The following CDH20 variants were observed in gnomAD, a reference collection of about 807,000 sequenced individuals.
The protein encoded by CDH20 is cadherin 20, also known as cadherin-20.
Under a neutral mutation model 74.2 loss-of-function variants are expected in CDH20, and 29 were observed. The ratio of observed to expected loss-of-function variants is 0.39; its 90% CI spans 0.29 to 0.53. The LOEUF is 0.53. Among genes scored for constraint, CDH20 ranks in the 20% least tolerant of loss-of-function variants. The probability of loss-of-function intolerance (pLI) is 0.69; values close to 1 mark genes in which losing one functional copy is unlikely to be tolerated. For synonymous variants in CDH20, 469 were observed against 405.4 expected, an observed-to-expected ratio of 1.16 and a Z score of -1.88; for missense variants, 988 against 1,048.3, an observed-to-expected ratio of 0.94 and a Z score of 0.79.
intron 1 of CDH20, among the ~76,000 whole-genome samples, chr18:61,368,902 A>G (rs1225640309): frequency 3.4e-5 from 5 of 148,038 alleles, no homozygotes; most frequent in Non-Finnish European, 7.4e-5. Flanking sequence ...GGGGAGTTCT[A>G]TAAATCATGC....
chr18:61,334,352 C>T (rs1339119498), intron 1 of CDH20: 1 of 152,212 alleles, frequency 6.6e-6, no homozygotes, highest in African/African-American at 2.4e-5. Context: ...TGGTCCGTGC[C>T]TCGCGCCGCG....
intron 1 of CDH20, among the ~76,000 whole-genome samples, chr18:61,427,220 A>G (rs1329115510): frequency 6.6e-6 from 1 of 152,148 alleles, no homozygotes; most frequent in African/African-American, 2.4e-5. Flanking sequence ...ATAACATTAC[A>G]TACAATAATT....
chr18:61,504,677 TTAGC>T, intron 5 of CDH20, among the ~76,000 whole-genome samples: 1 of 152,130 alleles, frequency 6.6e-6, no homozygotes, highest in Admixed American at 6.5e-5. Flanking sequence ...GGTGAAACAC[TTAGC>T]TAGGGAAACG....
chr18:61,446,506 G>A (rs1160039653), intron 1 of CDH20, among the ~76,000 whole-genome samples: 2 of 152,024 alleles, frequency 1.3e-5, no homozygotes, highest in African/African-American at 4.8e-5. Context: ...GAATTTCATG[G>A]CTGCCCTTTC....
At chr18:61,517,205 C>A (rs1156372184) in intron 6 of CDH20, among the ~76,000 whole-genome samples, 3 of 152,138 alleles carry the variant, frequency 2.0e-5, no homozygotes, top group Non-Finnish European at 2.9e-5. Context: ...AAGATGTATT[C>A]CATATTACAT....
At chr18:61,412,143 TAA>T (rs1473094572) in intron 1 of CDH20, among the ~76,000 whole-genome samples, 6 of 151,748 alleles carry the variant, frequency 4.0e-5, no homozygotes, top group Non-Finnish European at 5.9e-5. Context: ...AACAAAGAGT[TAA>T]AAGTTTCCAT....
chr18:61,491,496 T>G (rs1450355342), intron 2 of CDH20, among the ~76,000 whole-genome samples: 2 of 152,290 alleles, frequency 1.3e-5, no homozygotes, highest in African/African-American at 2.4e-5. Context: ...TAAACGCTTG[T>G]TTAGCACAGA....
chr18:61,480,825 C>G (rs1319290827), intron 1 of CDH20, among the ~76,000 whole-genome samples: 2 of 152,216 alleles, frequency 1.3e-5, no homozygotes, highest in African/African-American at 2.4e-5. Context: ...TTCTAGTAGA[C>G]TTCTGACACA....
At chr18:61,373,282 T>C (rs774194455) in intron 1 of CDH20, among the ~76,000 whole-genome samples, 7 of 152,210 alleles carry the variant, frequency 4.6e-5, no homozygotes, top group Non-Finnish European at 1.0e-4. Flanking sequence ...CTTTGGGGTT[T>C]TGTTTTGTTG....
intron 1 of CDH20, among the ~76,000 whole-genome samples, chr18:61,435,768 T>G (rs1908811897): frequency 6.6e-6 from 1 of 151,378 alleles, no homozygotes. Flanking sequence ...AAAGCTTTGT[T>G]GAGATAGATT....
At chr18:61,525,964 ATTTTT>A (rs1006282537) in intron 6 of CDH20, among the ~76,000 whole-genome samples, 3 of 84,380 alleles carry the variant, frequency 3.6e-5, no homozygotes, top group African/African-American at 1.1e-4. Flanking sequence ...CACCCAGCTA[ATTTTT>A]TTTTTTTTTT....
chr18:61,457,176 T>C (rs1424192497), intron 1 of CDH20, among the ~76,000 whole-genome samples: 2 of 152,100 alleles, frequency 1.3e-5, no homozygotes, highest in Admixed American at 1.3e-4. Flanking sequence ...TGAAAAGAGG[T>C]AGTAATCTCT....
intron 1 of CDH20, among the ~76,000 whole-genome samples, chr18:61,397,854 A>G (rs1486841140): frequency 2.0e-5 from 3 of 152,226 alleles, no homozygotes; most frequent in Non-Finnish European, 4.4e-5. Context: ...CCTGGCACAT[A>G]GTAAGTACTA....
chr18:61,549,833 C>T (rs1320122731), intron 10 of CDH20, 145 bp from the exon 11 acceptor site: 2 of 838,848 alleles, frequency 2.4e-6, no homozygotes, highest in African/African-American at 1.7e-5. Flanking sequence ...CTGATCCAGG[C>T]AAACCCGCCA....
intron 1 of CDH20, among the ~76,000 whole-genome samples, chr18:61,402,055 T>C (rs1215422594): frequency 6.6e-6 from 1 of 152,238 alleles, no homozygotes; most frequent in Non-Finnish European, 1.5e-5. Context: ...CATGAGGTTC[T>C]AGTCACAGCC....
chr18:61,367,816 G>C (rs1253300465), intron 1 of CDH20, among the ~76,000 whole-genome samples: 2 of 152,130 alleles, frequency 1.3e-5, no homozygotes, highest in Non-Finnish European at 2.9e-5. Flanking sequence ...AGGCAGAGCT[G>C]GTTCTTCCTG....
chr18:61,540,594 GA>G (rs980023577), intron 9 of CDH20, among the ~76,000 whole-genome samples: 17 of 152,176 alleles, frequency 1.1e-4, no homozygotes, highest in African/African-American at 4.1e-4. Context: ...CAGTATGGGG[GA>G]AACTGCCCCC....
At chr18:61,543,467 C>T (rs1231497243) in intron 9 of CDH20, among the ~76,000 whole-genome samples, 1 of 152,192 alleles carries the variant, frequency 6.6e-6, no homozygotes, top group African/African-American at 2.4e-5. Context: ...AGCCTGCCAG[C>T]TCCTGTTCCA....
rs760433588 is a variant in CDH20 at position 61,528,073 on chromosome 18, C to T, written c.1124C>T (p.Thr375Ile). Reference protein sequence around the residue: ...LNLGPFQDTTTVHISVEDVDE... With the variant: ...LNLGPFQDTTIVHISVEDVDE... Reference sequence around the variant, plus strand: ...TTGGGCCCATTTCAGGACACAACAACAGTGCACATCAGTGTGGAAGACGTG... The same window carrying T: ...TTGGGCCCATTTCAGGACACAACAATAGTGCACATCAGTGTGGAAGACGTG... Residue 375 changes from threonine to isoleucine, a missense_variant, in exon 7 of 12, where the codon ACA becomes ATA. Transcript: ENST00000262717. The T allele has an allele frequency of 1.3e-5, 21 of 1,614,070 alleles. No individual in the cohort carries two copies. Among genetic ancestry groups the T allele is most frequent in the Non-Finnish European group, 1.8e-5 (21 of 1,180,030 alleles).
Sources: gnomAD v4.1 joint callset for allele counts (sites outside exome capture counted in the v4.1 genomes callset) on GRCh38, gnomAD v4.1.1 for gene constraint, MANE v1.5 for transcripts, NCBI Gene and HGNC (gene_info 2026-07-23, HGNC 2026-07-21) for gene names.